CSMD1: variants seen among roughly 807,000 people sequenced by gnomAD.
CSMD1 encodes the protein CUB and Sushi multiple domains 1.
A neutral mutation model predicts 417.5 loss-of-function variants in CSMD1; 213 were observed. The observed-to-expected ratio is 0.51, with a 90% CI of 0.46 to 0.57. The LOEUF is 0.57. Ranked by LOEUF, CSMD1 falls within the 20% of genes least tolerant of loss-of-function variation. The pLI is 0.00. For missense variants in CSMD1, 6,923 were observed against 4,529.7 expected (o/e 1.53, Z -15.17); for synonymous variants, 2,862 against 1,736.8 (o/e 1.65, Z -16.11).
chr8:3,813,465 TGTC>T (rs1183163075), intron 5 of CSMD1, among the ~76,000 whole-genome samples: 1 of 152,140 alleles, frequency 6.6e-6, no homozygotes, highest in Non-Finnish European at 1.5e-5. Context: ...TATTTAGTAA[TGTC>T]GTATCTTTTG....
intron 3 of CSMD1, among the ~76,000 whole-genome samples, chr8:4,076,821 G>C (rs968816684): frequency 6.6e-6 from 1 of 152,106 alleles, no homozygotes; most frequent in Non-Finnish European, 1.5e-5. Flanking sequence ...GGCCAGCCAT[G>C]CCTTTGCTTT....
chr8:3,546,328 G>T (rs540084437), intron 10 of CSMD1, among the ~76,000 whole-genome samples: 4 of 152,148 alleles, frequency 2.6e-5, no homozygotes, highest in Admixed American at 2.0e-4. Flanking sequence ...GAGGTCAGGA[G>T]ATCGAGACCA....
At chr8:4,236,391 C>T (rs969311507) in intron 3 of CSMD1, among the ~76,000 whole-genome samples, 1 of 152,020 alleles carries the variant, frequency 6.6e-6, no homozygotes, top group South Asian at 2.1e-4. Context: ...GAAGACGAGA[C>T]GAAGCACCCA....
intron 42 of CSMD1, among the ~76,000 whole-genome samples, chr8:3,117,544 C>T (rs1456640652): frequency 6.6e-6 from 1 of 152,126 alleles, no homozygotes; most frequent in Non-Finnish European, 1.5e-5. Context: ...ATTCAAAGGT[C>T]CTGTATGTAT....
rs150685534 is a variant in CSMD1, at chr8:4,788,290, C to T, written c.86-150732G>A. 117 of 1,584,880 alleles carry T rather than the reference C, an allele frequency of 7.4e-5. 1 individual carries two copies. The East Asian group carries it at 2.4e-3, about 33-fold the overall frequency. ...GATGGCATTCCTACTGTATTTGTGG[C>T]AGTGGCAGGCAGAAGTAATGGTTTG... On this transcript the variant is annotated intron_variant, in intron 1 of 69. Transcript: ENST00000635120.
chr8:3,371,104 C>A (rs1031402668), intron 18 of CSMD1, among the ~76,000 whole-genome samples: 1 of 152,196 alleles, frequency 6.6e-6, no homozygotes, highest in African/African-American at 2.4e-5. Context: ...TCTTCAGCTC[C>A]CCTGGTTCCC....
At chr8:4,709,153 T>C (rs1438620390) in intron 1 of CSMD1, among the ~76,000 whole-genome samples, 1 of 152,170 alleles carries the variant, frequency 6.6e-6, no homozygotes, top group Non-Finnish European at 1.5e-5. Context: ...GAACGAAATA[T>C]AGCAATATGG....
chr8:4,454,688 A>G lies in CSMD1; in HGVS notation c.303-34623T>C, dbSNP rs189519588. ...CCTATTATCTTAGCATGTTCTCTACATAGCAGCTAATCAACCTGAAACTTT... is the reference window on the plus strand; with the variant it reads ...CCTATTATCTTAGCATGTTCTCTACGTAGCAGCTAATCAACCTGAAACTTT... On this transcript the variant is annotated intron_variant, in intron 2 of 69. Coordinates refer to ENST00000635120, the MANE Select transcript of CSMD1 (RefSeq NM_033225.6). Among the ~76,000 whole-genome samples the G allele has an allele frequency of 1.2e-3, 190 of 152,330 alleles. 1 individual carries two copies. Among genetic ancestry groups the G allele is most frequent in the Middle Eastern group, 6.8e-3 (2 of 294 alleles).
Position 3,367,237 on chromosome 8 carries a change from C to A in CSMD1, c.2910G>T (p.Met970Ile). The change falls in exon 20 of 70, where the codon ATG (methionine) becomes ATT (isoleucine). Residue 970 changes from methionine (M) to isoleucine (I), a missense_variant. Coordinates refer to ENST00000635120, the MANE Select transcript of CSMD1 (RefSeq NM_033225.6). ...TCTCAAGATGAAAGGTGTGAAAGAT[C>A]ATTTGAACTCCTGAGAAATGAAGCC... The part of the protein sequence containing the change: ...IEVSHGKGVQ[M>I]IFHTFHLESS... 1.2e-6 allele frequency: 2 copies of A among 1,609,564 alleles called. No individual in the cohort carries two copies. The highest frequency in any genetic ancestry group is 1.3e-5 in the African/African-American group (1 of 74,752).
chr8:4,742,011 T>C (rs986285134), intron 1 of CSMD1, among the ~76,000 whole-genome samples: 1 of 56,242 alleles, frequency 1.8e-5, no homozygotes, highest in Non-Finnish European at 3.3e-5. Context: ...TTTTTTTTTT[T>C]TTTTTTTTTT....
intron 3 of CSMD1, among the ~76,000 whole-genome samples, chr8:4,120,570 G>T (rs1228650201): frequency 5.3e-5 from 8 of 152,182 alleles, no homozygotes; most frequent in Non-Finnish European, 8.8e-5. Context: ...CGACCGGGAG[G>T]CTTTCAAATG....
At chr8:4,293,565 A>T (rs891117903) in intron 3 of CSMD1, among the ~76,000 whole-genome samples, 3 of 152,228 alleles carry the variant, frequency 2.0e-5, no homozygotes, top group Non-Finnish European at 2.9e-5. Context: ...CTTATCTTCC[A>T]AATTAGGCAC....
chr8:3,131,523 G>C (rs915921328), intron 41 of CSMD1, among the ~76,000 whole-genome samples: 8 of 146,340 alleles, frequency 5.5e-5, no homozygotes, highest in African/African-American at 2.0e-4. Context: ...TCAGGCTAAA[G>C]TGCAGTGGCG....
intron 2 of CSMD1, among the ~76,000 whole-genome samples, chr8:4,489,018 C>T (rs968608441): frequency 1.3e-5 from 2 of 152,184 alleles, no homozygotes; most frequent in South Asian, 4.1e-4. Flanking sequence ...TCAAGCAATT[C>T]CCCTGTCTCA....
chr8:4,153,668 C>G (rs1321674986), intron 3 of CSMD1, among the ~76,000 whole-genome samples: 4 of 152,308 alleles, frequency 2.6e-5, no homozygotes, highest in Non-Finnish European at 4.4e-5. Flanking sequence ...CTCATAACGT[C>G]ACTGCCTGGA....
At chr8:4,458,465 AACT>A (rs1799619070) in intron 2 of CSMD1, among the ~76,000 whole-genome samples, 2 of 152,192 alleles carry the variant, frequency 1.3e-5, no homozygotes, top group African/African-American at 4.8e-5. Flanking sequence ...AGTTATGTGT[AACT>A]ACTATTGCTA....
At chr8:3,535,177 C>A (rs778899099) in intron 10 of CSMD1, among the ~76,000 whole-genome samples, 2 of 151,826 alleles carry the variant, frequency 1.3e-5, no homozygotes, top group Non-Finnish European at 2.9e-5. Flanking sequence ...TGGTCTCAAA[C>A]TCCTGGCCTG....
intron 5 of CSMD1, among the ~76,000 whole-genome samples, chr8:3,846,859 C>T (rs1269180310): frequency 6.6e-6 from 1 of 152,032 alleles, no homozygotes; most frequent in Non-Finnish European, 1.5e-5. Flanking sequence ...ATATTTAGTG[C>T]AGACAGGGTT....
chr8:4,297,342 A>G (rs1361546500), intron 3 of CSMD1, among the ~76,000 whole-genome samples: 12 of 152,132 alleles, frequency 7.9e-5, no homozygotes, highest in Admixed American at 7.9e-4. Context: ...ATCTAAAAAA[A>G]CAAAACAAAA....
Sources: gnomAD v4.1 joint callset for allele counts (sites outside exome capture counted in the v4.1 genomes callset) on GRCh38, gnomAD v4.1.1 for gene constraint, MANE v1.5 for transcripts, NCBI Gene and HGNC (gene_info 2026-07-23, HGNC 2026-07-21) for gene names.